The following COL13A1 variants were observed in gnomAD, a reference collection of about 807,000 sequenced individuals.
COL13A1 encodes the protein collagen type XIII alpha 1 chain.
A neutral mutation model predicts 130.9 loss-of-function variants in COL13A1; 89 were observed. The observed-to-expected ratio is 0.68, with a 90% CI of 0.57 to 0.81. The LOEUF (loss-of-function observed/expected upper bound fraction) is 0.81. COL13A1 is among the 30% of genes least tolerant of loss of function. The pLI is 0.00. For synonymous variants in COL13A1, 402 were observed against 341.6 expected (o/e 1.18, Z -1.95); for missense variants, 879 against 934.6 (o/e 0.94, Z 0.78).
intron 2 of COL13A1, among the ~76,000 whole-genome samples, chr10:69,839,185 C>T (rs769069458): frequency 1.4e-4 from 22 of 152,178 alleles, no homozygotes; most frequent in Non-Finnish European, 2.4e-4. Flanking sequence ...TTCATTCGTT[C>T]GTTCGTTCGT....
At chr10:69,918,967 C>G in intron 19 of COL13A1, 95 bp from the exon 20 acceptor site, 2 of 1,477,280 alleles carry the variant, frequency 1.4e-6, no homozygotes, top group Non-Finnish European at 9.4e-7. Context: ...TAACCCCACC[C>G]TGACTGCCCC....
intron 9 of COL13A1, among the ~76,000 whole-genome samples, chr10:69,888,764 C>T (rs1363388706): frequency 6.6e-6 from 1 of 152,208 alleles, no homozygotes; most frequent in Non-Finnish European, 1.5e-5. Context: ...TGAGACCCCA[C>T]ACGTGTGCTC....
chr10:69,928,874 C>A, intron 27 of COL13A1, 63 bp from the exon 28 acceptor site: 1 of 1,290,852 alleles, frequency 7.7e-7, no homozygotes, highest in Non-Finnish European at 1.1e-6. Context: ...ATATAGCCCT[C>A]AGGGCACAGG....
intron 2 of COL13A1, among the ~76,000 whole-genome samples, chr10:69,861,009 C>A (rs1276444078): frequency 6.6e-6 from 1 of 152,266 alleles, no homozygotes; most frequent in Middle Eastern, 3.4e-3. Context: ...GGAGAATGGA[C>A]GCAGAGGAGG....
rs149300581 is a variant in COL13A1, at chr10:69,875,176, G to T, written c.435+13G>T. On this transcript the variant is annotated intron_variant, in intron 5 of 40. Coordinates refer to ENST00000645393, the MANE Select transcript of COL13A1 (RefSeq NM_001368882.1). ...GCCTGGACGTGTGGTGAGTTGGCCC[G>T]TTTGTACCTGCTCAGGTGGCCATTG... is the stretch of plus-strand genomic sequence containing the variant. 1 of 1,613,946 alleles carries T rather than the reference G, an allele frequency of 6.2e-7. No homozygotes were observed. Among genetic ancestry groups the T allele is most frequent in the South Asian group, 1.1e-5 (1 of 91,068 alleles).
intron 27 of COL13A1, 88 bp from the exon 28 acceptor site, chr10:69,928,849 C>A (rs548630818): frequency 1.1e-6 from 1 of 950,756 alleles, no homozygotes; most frequent in Non-Finnish European, 1.6e-6. Flanking sequence ...CTTATCTGTA[C>A]AAGCCAGCCT....
At chr10:69,906,561 A>G (rs548022627) in intron 17 of COL13A1, among the ~76,000 whole-genome samples, 15 of 152,212 alleles carry the variant, frequency 9.9e-5, no homozygotes, top group Admixed American at 5.2e-4. Flanking sequence ...CCCAGTGCAT[A>G]AAGACTTGTC....
rs149459430 is a variant in COL13A1, at chr10:69,907,596, T to A, written c.921+1774T>A. ...CATGATAACTAACCCACTCCCACAA[T>A]AACTAACCCACTTCCATGATAACTA... On this transcript the variant is annotated intron_variant, in intron 17 of 40. Coordinates refer to ENST00000645393, the MANE Select transcript of COL13A1 (RefSeq NM_001368882.1). 7.9e-3 allele frequency among the ~76,000 whole-genome samples: 1,205 copies of A among 151,952 alleles called. 29 individuals carry two copies. The highest frequency in any genetic ancestry group is 0.027 in the African/African-American group (1,115 of 41,378).
chr10:69,865,917 T>A (rs1313161928), intron 2 of COL13A1, among the ~76,000 whole-genome samples: 3 of 152,188 alleles, frequency 2.0e-5, no homozygotes, highest in Non-Finnish European at 2.9e-5. Context: ...TGCATGGCCC[T>A]GGGGAGTCGC....
chr10:69,943,180 C>A (rs2067914096), intron 35 of COL13A1, among the ~76,000 whole-genome samples: 1 of 152,094 alleles, frequency 6.6e-6, no homozygotes, highest in South Asian at 2.1e-4. Flanking sequence ...ATTATGGATG[C>A]CTGCAGCCTT....
chr10:69,946,506 T>C (rs1400796296), intron 37 of COL13A1, among the ~76,000 whole-genome samples: 2 of 152,242 alleles, frequency 1.3e-5, no homozygotes, highest in African/African-American at 4.8e-5. Flanking sequence ...TCCCATCCAC[T>C]GGAGGCTGTG....
intron 15 of COL13A1, among the ~76,000 whole-genome samples, chr10:69,904,060 C>T (rs56823884): frequency 0.027 from 4,065 of 152,260 alleles, 171 homozygotes; most frequent in African/African-American, 0.092. Context: ...CACAATTTCG[C>T]CCCAGCACCC....
At chr10:69,909,308 C>T (rs972683581) in intron 17 of COL13A1, among the ~76,000 whole-genome samples, 7 of 152,214 alleles carry the variant, frequency 4.6e-5, no homozygotes, top group Non-Finnish European at 7.3e-5. Context: ...TCTGTCTCTG[C>T]CAGACCACCC....
intron 3 of COL13A1, among the ~76,000 whole-genome samples, chr10:69,868,890 C>T (rs1428067148): frequency 6.6e-6 from 1 of 152,164 alleles, no homozygotes; most frequent in East Asian, 1.9e-4. Flanking sequence ...TCCTATCATC[C>T]ATCTTCCAAA....
intron 28 of COL13A1, 34 bp from the exon 29 acceptor site, chr10:69,930,009 C>A: frequency 1.2e-6 from 2 of 1,605,768 alleles, no homozygotes; most frequent in Non-Finnish European, 1.7e-6. Context: ...ATGTTCTCTG[C>A]CCTGAGAGTC....
At chr10:69,834,673 C>T (rs984273964) in intron 2 of COL13A1, among the ~76,000 whole-genome samples, 1 of 152,174 alleles carries the variant, frequency 6.6e-6, no homozygotes, top group African/African-American at 2.4e-5. Context: ...AGAGGCAGGA[C>T]TTGAACCCAG....
chr10:69,831,751 C>T (rs1472243946), intron 2 of COL13A1, among the ~76,000 whole-genome samples: 1 of 152,208 alleles, frequency 6.6e-6, no homozygotes, highest in Non-Finnish European at 1.5e-5. Context: ...GGCTTCAGGA[C>T]TTGCAATACC....
chr10:69,834,855 G>C (rs1437375955), intron 2 of COL13A1, among the ~76,000 whole-genome samples: 1 of 152,204 alleles, frequency 6.6e-6, no homozygotes, highest in African/African-American at 2.4e-5. Context: ...CAGAGGGAGA[G>C]GGGCTAGAAG....
At chr10:69,939,660 CCT>C (rs1337280547) in intron 34 of COL13A1, among the ~76,000 whole-genome samples, 5 of 152,246 alleles carry the variant, frequency 3.3e-5, no homozygotes, top group Non-Finnish European at 7.3e-5. Flanking sequence ...ACTGGAATCC[CCT>C]GAGAGCTTTT....
Sources: gnomAD v4.1 joint callset for allele counts (sites outside exome capture counted in the v4.1 genomes callset) on GRCh38, gnomAD v4.1.1 for gene constraint, MANE v1.5 for transcripts, NCBI Gene and HGNC (gene_info 2026-07-23, HGNC 2026-07-21) for gene names.